ACTR3C: variants seen among roughly 807,000 people sequenced by gnomAD.
The protein encoded by ACTR3C is actin related protein 3C, also known as actin-related protein 3C.
Under a neutral mutation model 26.3 loss-of-function variants are expected in ACTR3C, and 18 were observed. The observed-to-expected ratio is 0.68, with a 90% CI of 0.47 to 1.01. The LOEUF (loss-of-function observed/expected upper bound fraction) is 1.01. Ranked by LOEUF, ACTR3C falls within the 50% of genes least tolerant of loss-of-function variation. ACTR3C has a pLI of 0.00. For synonymous variants in ACTR3C, 55 were observed against 94.5 expected (o/e 0.58, Z 2.42); for missense variants, 184 against 250.7 (o/e 0.73, Z 1.80).
chr7:150,033,753 G>GCA, the ACTR3C span, among the ~76,000 whole-genome samples: 1 of 147,434 alleles, frequency 6.8e-6, no homozygotes, highest in South Asian at 2.1e-4. Context: ...CCCCACCCTC[G>GCA]TGGGGGGTGC....
At chr7:150,176,664 G>A in the ACTR3C span, among the ~76,000 whole-genome samples, 6 of 150,836 alleles carry the variant, frequency 4.0e-5, 1 homozygote, top group African/African-American at 1.2e-4. Flanking sequence ...AACAGAAAGA[G>A]CAAGTTTTAG....
the ACTR3C span, among the ~76,000 whole-genome samples, chr7:150,087,331 G>A: frequency 4.6e-5 from 7 of 152,174 alleles, no homozygotes; most frequent in Admixed American, 1.3e-4. Flanking sequence ...ATCTAACATC[G>A]AATGATTAAA....
rs1048636195 is a variant in ACTR3C at position 150,305,570 on chromosome 7, T to C, written c.-51-10223A>G. 6.6e-5 allele frequency among the ~76,000 whole-genome samples: 10 copies of C among 152,238 alleles called. 1 individual carries two copies. The highest frequency in any genetic ancestry group is 5.2e-4 in the Admixed American group (8 of 15,290). On this transcript the variant is annotated intron_variant, in intron 1 of 7. Transcript: ENST00000683684. ...GCCCTCTCATTGCTGGTCGTCTGCATGTGCTGCTTGTTTGCTCTTGCAGGA... is the reference window on the plus strand; with the variant it reads ...GCCCTCTCATTGCTGGTCGTCTGCACGTGCTGCTTGTTTGCTCTTGCAGGA...
chr7:150,034,235 AG>A, the ACTR3C span, among the ~76,000 whole-genome samples: 1 of 151,714 alleles, frequency 6.6e-6, no homozygotes, highest in Non-Finnish European at 1.5e-5. Context: ...GCCCTCAAAT[AG>A]GGGGGCCATC....
At chr7:149,947,193 ATTG>A in the ACTR3C span, among the ~76,000 whole-genome samples, 1 of 149,598 alleles carries the variant, frequency 6.7e-6, no homozygotes, top group Non-Finnish European at 1.5e-5. Context: ...TAGCAGTTAA[ATTG>A]TTGTTTTCCA....
At chr7:150,161,603 C>T in the ACTR3C span, among the ~76,000 whole-genome samples, 4 of 152,096 alleles carry the variant, frequency 2.6e-5, no homozygotes, top group Admixed American at 2.6e-4. Flanking sequence ...TTTCATAATC[C>T]AGTCTATCAT....
the ACTR3C span, among the ~76,000 whole-genome samples, chr7:150,143,556 C>G: frequency 6.6e-6 from 1 of 152,222 alleles, no homozygotes; most frequent in Admixed American, 6.5e-5. Flanking sequence ...TCCCAGCTCT[C>G]CCAGACAACC....
At chr7:150,209,667 A>T in the ACTR3C span, among the ~76,000 whole-genome samples, 1 of 150,698 alleles carries the variant, frequency 6.6e-6, no homozygotes. Context: ...TCACCTGAAG[A>T]TAGGAGTTTG....
the ACTR3C span, among the ~76,000 whole-genome samples, chr7:150,127,925 T>C: frequency 6.6e-6 from 1 of 151,820 alleles, no homozygotes; most frequent in Non-Finnish European, 1.5e-5. Flanking sequence ...CTAAATGTCT[T>C]CACGTGGTCT....
At chr7:150,036,862 C>CG in the ACTR3C span, among the ~76,000 whole-genome samples, 1 of 118,300 alleles carries the variant, frequency 8.5e-6, no homozygotes, top group African/African-American at 3.0e-5. Context: ...GGTCCTAAGC[C>CG]AGGGGGGGAT....
chr7:150,278,260 T>A (rs1296424941), intron 6 of ACTR3C, among the ~76,000 whole-genome samples: 1 of 152,206 alleles, frequency 6.6e-6, no homozygotes, highest in Non-Finnish European at 1.5e-5. Context: ...CCGACCTGAG[T>A]TGATCTGAGT....
the ACTR3C span, among the ~76,000 whole-genome samples, chr7:150,008,357 C>G: frequency 6.6e-6 from 1 of 152,232 alleles, no homozygotes; most frequent in African/African-American, 2.4e-5. Flanking sequence ...TTCCAGAGGA[C>G]AGGGCATGCT....
chr7:150,059,669 T>A, the ACTR3C span, among the ~76,000 whole-genome samples: 8 of 152,002 alleles, frequency 5.3e-5, no homozygotes, highest in Non-Finnish European at 1.0e-4. Flanking sequence ...AACACTCTTA[T>A]GTTTATCTGC....
the ACTR3C span, among the ~76,000 whole-genome samples, chr7:150,178,188 C>G: frequency 6.7e-6 from 1 of 150,204 alleles, no homozygotes; most frequent in Non-Finnish European, 1.5e-5. Context: ...ACTGACACCT[C>G]GATTTTCTTC....
chr7:149,945,318 A>ACAGTCTGCAGGGTCTTGGGG, the ACTR3C span, among the ~76,000 whole-genome samples: 2 of 118,870 alleles, frequency 1.7e-5, no homozygotes, highest in African/African-American at 3.0e-5. Flanking sequence ...TCCATCAGTG[A>ACAGTCTGCAGGGTCTTGGGG]CAACCTCCCA....
intron 1 of ACTR3C, among the ~76,000 whole-genome samples, chr7:150,301,872 G>C (rs1219870777): frequency 6.6e-6 from 1 of 151,942 alleles, no homozygotes; most frequent in Non-Finnish European, 1.5e-5. Context: ...AGGTAAAGGA[G>C]TAAAGAGAAT....
chr7:150,127,187 C>T, the ACTR3C span, among the ~76,000 whole-genome samples: 3 of 139,324 alleles, frequency 2.2e-5, no homozygotes, highest in African/African-American at 7.9e-5. Flanking sequence ...CACACACACA[C>T]ACGAGCGATG....
In ACTR3C at chr7:150,289,438, A is replaced by G. The variant is rs1469261177; in HGVS notation, c.297+12T>C. 1 of 1,569,390 alleles carries G rather than the reference A, an allele frequency of 6.4e-7. No homozygotes were observed. Among genetic ancestry groups the G allele is most frequent in the African/African-American group, 1.4e-5 (1 of 70,004 alleles). ...TCACCCCCAAACCAGCCGGTTTCCCATCTGTTTTTACCTTAATGGCTTTTG... is the reference window on the plus strand; with the variant it reads ...TCACCCCCAAACCAGCCGGTTTCCCGTCTGTTTTTACCTTAATGGCTTTTG... On this transcript the variant is annotated intron_variant, in intron 4 of 7. Transcript: ENST00000683684.
chr7:150,224,722 G>A, the ACTR3C span, among the ~76,000 whole-genome samples: 8 of 152,204 alleles, frequency 5.3e-5, no homozygotes, highest in East Asian at 7.7e-4. Context: ...GTAAGGAGGC[G>A]TCTACATGCA....
Sources: gnomAD v4.1 joint callset for allele counts (sites outside exome capture counted in the v4.1 genomes callset) on GRCh38, gnomAD v4.1.1 for gene constraint, MANE v1.5 for transcripts, NCBI Gene and HGNC (gene_info 2026-07-23, HGNC 2026-07-21) for gene names.